MARCHF1: variants seen among roughly 807,000 people sequenced by gnomAD.
MARCHF1 encodes the protein membrane associated ring-CH-type finger 1.
A neutral mutation model predicts 54.2 loss-of-function variants in MARCHF1; 40 were observed. That is an observed-to-expected ratio of 0.74 (90% CI 0.57 to 0.96). The LOEUF is 0.96. Ranked by LOEUF, MARCHF1 falls within the 40% of genes least tolerant of loss-of-function variation. MARCHF1 has a pLI of 0.00. For synonymous variants in MARCHF1, 236 were observed against 236.3 expected, an observed-to-expected ratio of 1.00 and a Z score of 0.01; for missense variants, 586 against 656.5, an observed-to-expected ratio of 0.89 and a Z score of 1.17.
chr4:163,751,799 T>A (rs1746529371), intron 4 of MARCHF1, among the ~76,000 whole-genome samples: 1 of 128,528 alleles, frequency 7.8e-6, no homozygotes, highest in Admixed American at 7.7e-5. Context: ...CCAACACACA[T>A]GTGCACGTGT....
intron 4 of MARCHF1, among the ~76,000 whole-genome samples, chr4:163,843,701 C>T (rs1749404838): frequency 6.6e-6 from 1 of 151,972 alleles, no homozygotes; most frequent in African/African-American, 2.4e-5. Flanking sequence ...TGCCACTTGC[C>T]CCCGACAGGA....
At chr4:164,084,958 T>G (rs1755166595) in intron 2 of MARCHF1, among the ~76,000 whole-genome samples, 1 of 151,826 alleles carries the variant, frequency 6.6e-6, no homozygotes, top group Non-Finnish European at 1.5e-5. Context: ...TATTTATATT[T>G]TATTAAATAA....
At chr4:164,042,167 A>G (rs1754143443) in intron 2 of MARCHF1, among the ~76,000 whole-genome samples, 1 of 152,188 alleles carries the variant, frequency 6.6e-6, no homozygotes, top group Non-Finnish European at 1.5e-5. Context: ...ATCCTGGGCC[A>G]GGATCCAAGA....
chr4:164,179,744 A>G (rs1730784094), intron 1 of MARCHF1, among the ~76,000 whole-genome samples: 1 of 151,726 alleles, frequency 6.6e-6, no homozygotes, highest in Non-Finnish European at 1.5e-5. Context: ...GTAGTTAATT[A>G]CTCTCCATCT....
chr4:163,617,149 G>T (rs544011461), intron 5 of MARCHF1, among the ~76,000 whole-genome samples: 1 of 152,088 alleles, frequency 6.6e-6, no homozygotes, highest in Non-Finnish European at 1.5e-5. Flanking sequence ...TAAAATAAGC[G>T]CAGAGGTAAG....
chr4:164,351,192 C>T (rs1480486060), intron 1 of MARCHF1, among the ~76,000 whole-genome samples: 4 of 150,606 alleles, frequency 2.7e-5, no homozygotes, highest in Non-Finnish European at 5.9e-5. Context: ...GGTAGGGGCG[C>T]CCGCCATTGC....
chr4:163,881,517 C>T (rs1750415913), intron 3 of MARCHF1, among the ~76,000 whole-genome samples: 1 of 152,104 alleles, frequency 6.6e-6, no homozygotes, highest in African/African-American at 2.4e-5. Context: ...TTGGCACCCA[C>T]TCCGCATGAG....
At chr4:164,379,430 A>G (rs938508607) in intron 1 of MARCHF1, among the ~76,000 whole-genome samples, 1 of 152,188 alleles carries the variant, frequency 6.6e-6, no homozygotes, top group African/African-American at 2.4e-5. Flanking sequence ...AAACAGACAC[A>G]ATGAAGTAGA....
intron 1 of MARCHF1, among the ~76,000 whole-genome samples, chr4:164,208,962 G>GTCTC (rs149750429): frequency 3.3e-5 from 5 of 149,414 alleles, no homozygotes; most frequent in South Asian, 4.2e-4. Flanking sequence ...CTGTCTGTCT[G>GTCTC]TCTCTCTCTC....
At chr4:163,913,197 C>T (rs1444611731) in intron 3 of MARCHF1, among the ~76,000 whole-genome samples, 1 of 152,074 alleles carries the variant, frequency 6.6e-6, no homozygotes, top group African/African-American at 2.4e-5. Context: ...GTGGTAAAAG[C>T]CTCGTTATGT....
At chr4:163,881,255 A>C (rs1750409301) in intron 3 of MARCHF1, among the ~76,000 whole-genome samples, 1 of 152,124 alleles carries the variant, frequency 6.6e-6, no homozygotes, top group Non-Finnish European at 1.5e-5. Flanking sequence ...CGGGCGGATT[A>C]TCTGAGTTTA....
intron 4 of MARCHF1, among the ~76,000 whole-genome samples, chr4:163,745,605 C>T (rs574677529): frequency 6.6e-6 from 1 of 152,270 alleles, no homozygotes; most frequent in East Asian, 1.9e-4. Context: ...CTCTTATCTC[C>T]TCACCTTTTA....
intron 9 of MARCHF1, among the ~76,000 whole-genome samples, chr4:163,533,929 C>T (rs979570296): frequency 2.0e-5 from 3 of 151,860 alleles, no homozygotes; most frequent in Non-Finnish European, 4.4e-5. Flanking sequence ...CAGTCTTGCA[C>T]AATAAATGCT....
intron 1 of MARCHF1, among the ~76,000 whole-genome samples, chr4:164,296,676 C>CTT (rs1488133511): frequency 1.3e-5 from 2 of 152,176 alleles, no homozygotes; most frequent in South Asian, 4.1e-4. Context: ...GGCCCAAACT[C>CTT]TTTAATTTAA....
intron 1 of MARCHF1, among the ~76,000 whole-genome samples, chr4:164,307,489 C>G (rs923453464): frequency 6.6e-6 from 1 of 152,216 alleles, no homozygotes; most frequent in African/African-American, 2.4e-5. Flanking sequence ...ACCCAAAGCT[C>G]GTCTCTTCCC....
intron 2 of MARCHF1, among the ~76,000 whole-genome samples, chr4:164,071,034 T>G (rs988523545): frequency 6.6e-6 from 1 of 152,218 alleles, no homozygotes; most frequent in African/African-American, 2.4e-5. Flanking sequence ...CCACCATGAT[T>G]CTGAGGCTTC....
At chr4:163,672,960 T>C (rs1217803213) in intron 5 of MARCHF1, among the ~76,000 whole-genome samples, 1 of 152,182 alleles carries the variant, frequency 6.6e-6, no homozygotes, top group Non-Finnish European at 1.5e-5. Flanking sequence ...TGTCATTACA[T>C]TGTCCCTGCC....
chr4:163,831,723 A>C (rs184516701), intron 4 of MARCHF1, among the ~76,000 whole-genome samples: 3 of 152,356 alleles, frequency 2.0e-5, no homozygotes, highest in Admixed American at 6.5e-5. Flanking sequence ...CAGGAAAGGC[A>C]ATTCATGACA....
At chr4:163,953,066 A>C (rs1752164905) in intron 3 of MARCHF1, among the ~76,000 whole-genome samples, 1 of 151,820 alleles carries the variant, frequency 6.6e-6, no homozygotes, top group African/African-American at 2.4e-5. Flanking sequence ...CCATTTTTTG[A>C]CCTCCATGTT....
Sources: gnomAD v4.1 joint callset for allele counts (sites outside exome capture counted in the v4.1 genomes callset) on GRCh38, gnomAD v4.1.1 for gene constraint, MANE v1.5 for transcripts, NCBI Gene and HGNC (gene_info 2026-07-23, HGNC 2026-07-21) for gene names.